NELL1: variants seen among roughly 807,000 people sequenced by gnomAD.
The protein encoded by NELL1 is neural EGFL like 1.
A neutral mutation model predicts 107.4 loss-of-function variants in NELL1; 76 were observed. The observed-to-expected ratio is 0.71, with a 90% CI of 0.59 to 0.86. The LOEUF (loss-of-function observed/expected upper bound fraction) is 0.86, where lower values mean the gene tolerates loss of function less well. Ranked by LOEUF, NELL1 falls within the 40% of genes least tolerant of loss-of-function variation. The pLI, the probability that NELL1 is intolerant of heterozygous loss-of-function variation, is 0.00. For missense variants in NELL1, 1,024 were observed against 1,005.5 expected (o/e 1.02, Z -0.25); for synonymous variants, 353 against 341.2 (o/e 1.03, Z -0.38).
At chr11:21,142,049 C>T (rs1344014561) in intron 13 of NELL1, among the ~76,000 whole-genome samples, 1 of 152,152 alleles carries the variant, frequency 6.6e-6, no homozygotes, top group Non-Finnish European at 1.5e-5. Flanking sequence ...TAGGCATGAG[C>T]CACCACACCT....
At chr11:21,351,609 G>T (rs895070431) in intron 14 of NELL1, among the ~76,000 whole-genome samples, 1 of 151,790 alleles carries the variant, frequency 6.6e-6, no homozygotes, top group Non-Finnish European at 1.5e-5. Context: ...TGTCTACTCC[G>T]GACAAAGATC....
chr11:20,842,371 T>TAAA (rs200472794), intron 3 of NELL1, among the ~76,000 whole-genome samples: 4 of 140,850 alleles, frequency 2.8e-5, no homozygotes, highest in African/African-American at 1.0e-4. Context: ...AGACTCCGTT[T>TAAA]AAAAAAAAAA....
chr11:21,295,661 T>A (rs554763151), intron 14 of NELL1, among the ~76,000 whole-genome samples: 1 of 152,126 alleles, frequency 6.6e-6, no homozygotes, highest in Admixed American at 6.6e-5. Context: ...GGAAGCTGAT[T>A]AAGGAGCTAG....
At chr11:21,141,056 T>C (rs761061948) in intron 13 of NELL1, among the ~76,000 whole-genome samples, 3 of 152,226 alleles carry the variant, frequency 2.0e-5, no homozygotes, top group Non-Finnish European at 4.4e-5. Flanking sequence ...ATTTAGTTTT[T>C]ACAGATGAAA....
At chr11:20,926,357 C>T (rs112474255) in intron 7 of NELL1, among the ~76,000 whole-genome samples, 1 of 151,904 alleles carries the variant, frequency 6.6e-6, no homozygotes, top group African/African-American at 2.4e-5. Context: ...CCTGGTGGTG[C>T]CAAGTGTGGT....
chr11:20,952,214 C>T (rs181889894), intron 11 of NELL1, among the ~76,000 whole-genome samples: 3 of 152,220 alleles, frequency 2.0e-5, no homozygotes, highest in African/African-American at 4.8e-5. Flanking sequence ...TTGCCAATGA[C>T]GTTGGAGGAT....
chr11:21,542,818 A>G (rs1054244210), intron 16 of NELL1, among the ~76,000 whole-genome samples: 4 of 152,244 alleles, frequency 2.6e-5, no homozygotes, highest in South Asian at 2.1e-4. Context: ...CACATGTTCA[A>G]GAGTTATTTA....
chr11:21,399,531 T>A (rs1852049769), intron 15 of NELL1, among the ~76,000 whole-genome samples: 1 of 151,818 alleles, frequency 6.6e-6, no homozygotes, highest in South Asian at 2.1e-4. Flanking sequence ...TTTTAAAATA[T>A]AAATAAAAAT....
At chr11:20,909,543 A>G (rs929329672) in intron 5 of NELL1, among the ~76,000 whole-genome samples, 2 of 152,148 alleles carry the variant, frequency 1.3e-5, no homozygotes, top group Non-Finnish European at 2.9e-5. Context: ...TGAATCCTGA[A>G]CATACCTCTT....
intron 16 of NELL1, among the ~76,000 whole-genome samples, chr11:21,542,966 T>C (rs2133980469): frequency 1.3e-5 from 2 of 152,108 alleles, no homozygotes; most frequent in South Asian, 4.2e-4. Flanking sequence ...GAGGTTTCAT[T>C]CATAATCGTC....
intron 13 of NELL1, among the ~76,000 whole-genome samples, chr11:21,141,545 T>C (rs1037981827): frequency 1.3e-5 from 2 of 152,162 alleles, no homozygotes; most frequent in East Asian, 1.9e-4. Context: ...AGATAAATTA[T>C]GCTTCAGTGG....
At chr11:21,200,804 G>A (rs1181513348) in intron 13 of NELL1, among the ~76,000 whole-genome samples, 1 of 152,084 alleles carries the variant, frequency 6.6e-6, no homozygotes, top group Admixed American at 6.6e-5. Flanking sequence ...TTGAGTTAAT[G>A]TTTGTATAAG....
chr11:20,998,458 T>A (rs1335294006), intron 12 of NELL1, among the ~76,000 whole-genome samples: 2 of 152,164 alleles, frequency 1.3e-5, no homozygotes, highest in South Asian at 2.1e-4. Context: ...GTACTCTTAG[T>A]TTACAATTTT....
At position 21,297,027 on chromosome 11, in the gene NELL1, AT is replaced by A. The variant is rs111643943; in HGVS notation, c.1549+67576del. 7.7e-4 allele frequency among the ~76,000 whole-genome samples: 117 copies of A among 151,342 alleles called. 1 individual carries two copies. Among genetic ancestry groups the A allele is most frequent in the African/African-American group, 2.1e-3 (85 of 41,426 alleles). On this transcript the variant is annotated intron_variant, in intron 14 of 19. Transcript: ENST00000357134. ...TTTCATTCTTTAGATGTTGTCATTA[AT>A]TTAAAAAAATAATTATTTTAATTAT...
intron 14 of NELL1, among the ~76,000 whole-genome samples, chr11:21,365,083 A>G (rs1851188098): frequency 6.6e-6 from 1 of 152,134 alleles, no homozygotes; most frequent in Non-Finnish European, 1.5e-5. Context: ...GCATCAGTCC[A>G]CCGGGCATAG....
rs1856338299 is a variant in NELL1 at position 20,758,092 on chromosome 11, A to C, written c.185-25588A>C. Among the ~76,000 whole-genome samples the C allele has an allele frequency of 3.9e-5, 6 of 152,226 alleles. No individual in the cohort carries two copies. The South Asian group carries it at 1.2e-3, about 32-fold the overall frequency. On this transcript the variant is annotated intron_variant, in intron 2 of 19. Transcript: ENST00000357134. ...TTATTCCATCACGACGGCTTTGTCT[A>C]ACCTAATTACCTTCCAAAGGCCTTG...
intron 16 of NELL1, among the ~76,000 whole-genome samples, chr11:21,553,497 C>T (rs1234257454): frequency 6.6e-6 from 1 of 151,796 alleles, no homozygotes; most frequent in Non-Finnish European, 1.5e-5. Context: ...CACTCATATT[C>T]TAAAACTTGA....
chr11:21,510,061 G>A (rs941563263), intron 15 of NELL1, among the ~76,000 whole-genome samples: 1 of 152,146 alleles, frequency 6.6e-6, no homozygotes, highest in Non-Finnish European at 1.5e-5. Context: ...GGGGGCTAAG[G>A]CCTAATTAAC....
chr11:21,116,877 A>T (rs1855248488), intron 13 of NELL1, among the ~76,000 whole-genome samples: 1 of 152,028 alleles, frequency 6.6e-6, no homozygotes, highest in Non-Finnish European at 1.5e-5. Context: ...AATTTTTTTA[A>T]AAAGAGAAAT....
Sources: gnomAD v4.1 joint callset for allele counts (sites outside exome capture counted in the v4.1 genomes callset) on GRCh38, gnomAD v4.1.1 for gene constraint, MANE v1.5 for transcripts, NCBI Gene and HGNC (gene_info 2026-07-23, HGNC 2026-07-21) for gene names.